The following TMED2 variants were observed in gnomAD, a reference collection of about 807,000 sequenced individuals.
TMED2 encodes the protein transmembrane emp24 domain-containing protein 2.
A neutral mutation model predicts 17.5 loss-of-function variants in TMED2; 3 were observed. That is an observed-to-expected ratio of 0.17 (90% CI 0.08 to 0.44). TMED2 has a LOEUF of 0.44. Ranked by LOEUF, TMED2 falls within the 20% of genes least tolerant of loss-of-function variation. The probability of loss-of-function intolerance (pLI) is 0.99; values close to 1 mark genes in which losing one functional copy is unlikely to be tolerated. For missense variants in TMED2, 149 were observed against 254.8 expected, an observed-to-expected ratio of 0.58 and a Z score of 2.83; for synonymous variants, 95 against 91.0, an observed-to-expected ratio of 1.04 and a Z score of -0.25.
At chr12:123,585,038 T>C (rs575297289) in intron 1 of TMED2, 14 of 551,872 alleles carry the variant, frequency 2.5e-5, no homozygotes, top group Middle Eastern at 5.0e-4. Context: ...CCTTGGGGGC[T>C]CCTTCGGCAT....
chr12:123,584,901 T>TG, intron 1 of TMED2, 85 bp downstream of exon 1: 1 of 1,524,788 alleles, frequency 6.6e-7, no homozygotes, highest in Non-Finnish European at 8.9e-7. Context: ...GGGGCCTGTG[T>TG]GGGGAGTGGG....
chr12:123,592,958 C>T (rs1953404040), intron 3 of TMED2, among the ~76,000 whole-genome samples: 1 of 152,246 alleles, frequency 6.6e-6, no homozygotes, highest in South Asian at 2.1e-4. Flanking sequence ...GTAATCTCAG[C>T]ACTTTGGGAG....
At position 123,597,475 on chromosome 12, in the gene TMED2, T is replaced by C. The variant is rs1005032624; in HGVS notation, c.*746T>C. On this transcript the variant is annotated 3_prime_UTR_variant, in exon 4 of 4. Transcript: ENST00000262225. The stretch of plus-strand genomic sequence containing the variant: ...GTGGTGGCTTTTTTTCTTTCCACAT[T>C]GGCACATTCACTTCTCCCACTCTTG... 9 of 152,546 alleles carry C rather than the reference T, an allele frequency of 5.9e-5. No individual in the cohort carries two copies. Among genetic ancestry groups the C allele is most frequent in the African/African-American group, 2.2e-4 (9 of 41,444 alleles). The allele number at this position is 152,546 out of a possible 1,614,324, so 9.4% of individuals were successfully genotyped here. A position where few individuals can be genotyped will look rare whatever the true frequency, so the allele number is the denominator to read the frequency against.
chr12:123,587,022 A>G, intron 2 of TMED2, 83 bp downstream of exon 2: 2 of 1,250,774 alleles, frequency 1.6e-6, no homozygotes, highest in Non-Finnish European at 1.0e-6. Context: ...TGAGTGGAGT[A>G]CTTATTTTTT....
At position 123,596,728 on chromosome 12, in the gene TMED2, A is replaced by G. The variant is rs781010522; in HGVS notation, c.605A>G (p.Ter202=). 2.5e-6 allele frequency: 4 copies of G among 1,604,524 alleles called. No homozygotes were observed. The highest frequency in any genetic ancestry group is 1.7e-6 in the Non-Finnish European group (2 of 1,176,632). The change falls in exon 4 of 4, where the codon TAA becomes TGA. Residue 202 remains the stop codon, a stop_retained_variant. Coordinates refer to ENST00000262225, the MANE Select transcript of TMED2 (RefSeq NM_006815.4). ...TTTTTTGAAGTCCGGAGAGTTGTTTAAAAAGCCTCTTCCTGATGATCCCAA... is the reference window on the plus strand; with the variant it reads ...TTTTTTGAAGTCCGGAGAGTTGTTTGAAAAGCCTCTTCCTGATGATCCCAA... The part of the protein sequence containing the change: ...KRFFEVRRVV[*]
chr12:123,590,737 A>C (rs1264216280), intron 3 of TMED2, among the ~76,000 whole-genome samples: 1 of 152,110 alleles, frequency 6.6e-6, no homozygotes, highest in Non-Finnish European at 1.5e-5. Context: ...TAATCCCAGC[A>C]CTTTGGGAGG....
intron 3 of TMED2, among the ~76,000 whole-genome samples, chr12:123,592,093 T>C (rs1427634605): frequency 6.6e-6 from 1 of 152,220 alleles, no homozygotes; most frequent in African/African-American, 2.4e-5. Flanking sequence ...TGTGTAAATG[T>C]AATAGCCTGG....
intron 1 of TMED2, 22 bp downstream of exon 1, chr12:123,584,838 C>T (rs1290296242): frequency 5.0e-6 from 8 of 1,603,752 alleles, no homozygotes; most frequent in Non-Finnish European, 6.8e-6. Context: ...CTGCCCGCAG[C>T]TGAGGCTTGG....
At position 123,596,813 on chromosome 12, in the gene TMED2, T is replaced by C; in HGVS notation, c.*84T>C. 6.9e-7 allele frequency: 1 copy of C among 1,439,610 alleles called. No individual in the cohort carries two copies. Among genetic ancestry groups the C allele is most frequent in the Non-Finnish European group, 9.2e-7 (1 of 1,087,770 alleles). 89.2% of individuals were successfully genotyped at this position (1,439,610 alleles called of 1,614,324 possible). ...TAATAATGTCATTAGTTTCTCCATTTTTATTTTCTGAACTGTACATTCACA... is the reference window on the plus strand; with the variant it reads ...TAATAATGTCATTAGTTTCTCCATTCTTATTTTCTGAACTGTACATTCACA... On this transcript the variant is annotated 3_prime_UTR_variant, in exon 4 of 4. Transcript: ENST00000262225.
intron 2 of TMED2, among the ~76,000 whole-genome samples, chr12:123,589,123 T>C (rs1057401713): frequency 3.9e-5 from 6 of 152,188 alleles, no homozygotes; most frequent in African/African-American, 1.4e-4. Context: ...AGCACATGCT[T>C]ACTCTTCAGA....
rs1034638358 is a variant in TMED2 at position 123,596,979 on chromosome 12, C to T, written c.*250C>T. The T allele has an allele frequency of 1.9e-5, 5 of 262,812 alleles. No homozygotes were observed. Among genetic ancestry groups the T allele is most frequent in the Non-Finnish European group, 3.6e-5 (5 of 140,520 alleles). 16.3% of individuals were successfully genotyped at this position (262,812 alleles called of 1,614,324 possible). On this transcript the variant is annotated 3_prime_UTR_variant, in exon 4 of 4. Coordinates refer to ENST00000262225, the MANE Select transcript of TMED2 (RefSeq NM_006815.4). ...ATATAGGTCCTTCCAGGAACTCAAACACTGTAAGTGAAATATGGGAGTATA... is the reference window on the plus strand; with the variant it reads ...ATATAGGTCCTTCCAGGAACTCAAATACTGTAAGTGAAATATGGGAGTATA...
rs1953433031 is a variant in TMED2, at chr12:123,596,636, T to C, written c.513T>C (p.Leu171=). ...ACAACACAAACAGCAGAGTGGTCCT[T>C]TGGTCCTTCTTTGAAGCTCTTGTTC... The part of the protein sequence containing the change: ...INDNTNSRVV[L]WSFFEALVLV... Residue 171 remains leucine (L), a synonymous_variant, in exon 4 of 4, where the codon CTT becomes CTC. Coordinates refer to ENST00000262225, the MANE Select transcript of TMED2 (RefSeq NM_006815.4). 1 of 1,611,970 alleles carries C rather than the reference T, an allele frequency of 6.2e-7. No individual in the cohort carries two copies. Among genetic ancestry groups the C allele is most frequent in the African/African-American group, 1.3e-5 (1 of 74,962 alleles).
chr12:123,596,582 T>A, intron 3 of TMED2, 23 bp from the exon 4 acceptor site: 1 of 1,578,514 alleles, frequency 6.3e-7, no homozygotes, highest in Non-Finnish European at 8.6e-7. Context: ...TTAAATTTTG[T>A]TTGTTTGTTT....
chr12:123,590,348 A>G lies in TMED2; in HGVS notation c.380A>G (p.Gln127Arg). Residue 127 changes from glutamine to arginine, a missense_variant, in exon 3 of 4, where the codon CAG becomes CGG. Physicochemically the swap from Gln to Arg is conservative, Grantham distance 43. Transcript: ENST00000262225. ...TTTTCAAATCCTTCTATAGCTCACC[A>G]GAACAAGCTAGAAGAAATGATCAAT... ...KGQDMETEAH[Q>R]NKLEEMINEL... 6.3e-7 allele frequency: 1 copy of G among 1,598,888 alleles called. No individual in the cohort carries two copies. Among genetic ancestry groups the G allele is most frequent in the South Asian group, 1.1e-5 (1 of 90,226 alleles).
rs1368692505 is a variant in TMED2, at chr12:123,597,925, CA to C, written c.*1197del. ...TTATATAATTAATTTAAATTTGTTA[CA>C]GGTTTTCATGTTCAGGATAAACCAT... is the stretch of plus-strand genomic sequence containing the variant. On this transcript the variant is annotated 3_prime_UTR_variant, in exon 4 of 4. Transcript: ENST00000262225. 1 of 148,516 alleles carries C rather than the reference CA, an allele frequency of 6.7e-6. No individual in the cohort carries two copies. The highest frequency in any genetic ancestry group is 2.5e-5 in the African/African-American group (1 of 40,094). 9.2% of individuals were successfully genotyped at this position (148,516 alleles called of 1,614,324 possible).
intron 3 of TMED2, among the ~76,000 whole-genome samples, chr12:123,593,208 C>A (rs964235214): frequency 6.6e-6 from 1 of 151,780 alleles, no homozygotes; most frequent in Non-Finnish European, 1.5e-5. Context: ...GATTACAGGC[C>A]TGAGCCACTG....
Position 123,596,873 on chromosome 12 carries a change from GA to G in TMED2, c.*149del, listed in dbSNP as rs1953434681. 3 of 1,059,562 alleles carry G rather than the reference GA, an allele frequency of 2.8e-6. No individual in the cohort carries two copies. Among genetic ancestry groups the G allele is most frequent in the Non-Finnish European group, 3.7e-6 (3 of 803,610 alleles). 65.6% of individuals were successfully genotyped at this position (1,059,562 alleles called of 1,614,324 possible). On this transcript the variant is annotated 3_prime_UTR_variant, in exon 4 of 4. Transcript: ENST00000262225. ...TCTTTGAGATTAATAGATATTGGGG[GA>G]AAAACGCCTTTTTAGGAAAATTATA...
At chr12:123,591,654 C>T (rs759180834) in intron 3 of TMED2, among the ~76,000 whole-genome samples, 5 of 152,106 alleles carry the variant, frequency 3.3e-5, no homozygotes, top group Non-Finnish European at 7.4e-5. Context: ...TGGTGGCACG[C>T]GCCTGTAGTC....
chr12:123,587,275 A>G (rs527956542), intron 2 of TMED2, among the ~76,000 whole-genome samples: 1 of 152,136 alleles, frequency 6.6e-6, no homozygotes, highest in African/African-American at 2.4e-5. Flanking sequence ...CGTCAGGCGT[A>G]TGCCACCATG....
Sources: gnomAD v4.1 joint callset for allele counts (sites outside exome capture counted in the v4.1 genomes callset) on GRCh38, gnomAD v4.1.1 for gene constraint, MANE v1.5 for transcripts, NCBI Gene and HGNC (gene_info 2026-07-23, HGNC 2026-07-21) for gene names.